Variants in SMC1B observed in about 807,000 individuals in gnomAD.
The protein encoded by SMC1B is structural maintenance of chromosomes 1B.
SMC1B carries 60 observed loss-of-function variants against 157.9 expected under a neutral mutation model. The observed-to-expected ratio is 0.38, with a 90% CI of 0.31 to 0.47. The LOEUF is 0.47. Ranked by LOEUF, SMC1B falls within the 20% of genes least tolerant of loss-of-function variation. The pLI is 0.99. For missense variants in SMC1B, 1,165 were observed against 1,426.2 expected (o/e 0.82, Z 2.95); for synonymous variants, 445 against 483.0 (o/e 0.92, Z 1.03).
At chr22:45,400,194 G>C (rs1602092991) in intron 5 of SMC1B, among the ~76,000 whole-genome samples, 1 of 152,186 alleles carries the variant, frequency 6.6e-6, no homozygotes, top group Admixed American at 6.5e-5. Flanking sequence ...CCTAGATGTT[G>C]GTTCCTAATA....
intron 4 of SMC1B, among the ~76,000 whole-genome samples, chr22:45,403,325 A>G (rs961099005): frequency 2.0e-5 from 3 of 152,264 alleles, no homozygotes; most frequent in African/African-American, 7.2e-5. Context: ...ACAGAGAAAC[A>G]TCACTAATAA....
chr22:45,391,064 C>CT (rs136600), intron 9 of SMC1B, among the ~76,000 whole-genome samples: 302 of 142,690 alleles, frequency 2.1e-3, no homozygotes, highest in African/African-American at 4.9e-3. Context: ...TATTTGCTAC[C>CT]TTTTTTTTTT....
At chr22:45,351,729 C>T (rs1024714534) in intron 22 of SMC1B, among the ~76,000 whole-genome samples, 4 of 152,156 alleles carry the variant, frequency 2.6e-5, no homozygotes, top group Non-Finnish European at 5.9e-5. Flanking sequence ...TTTCTATTTT[C>T]TGTAGACACG....
At chr22:45,400,739 T>G (rs2087182725) in intron 5 of SMC1B, among the ~76,000 whole-genome samples, 1 of 152,070 alleles carries the variant, frequency 6.6e-6, no homozygotes, top group South Asian at 2.1e-4. Context: ...GTGATCAAGG[T>G]CAACATCAAC....
chr22:45,357,809 C>T (rs1225836927), intron 19 of SMC1B, among the ~76,000 whole-genome samples: 1 of 152,166 alleles, frequency 6.6e-6, no homozygotes, highest in South Asian at 2.1e-4. Context: ...AAAACCTTTG[C>T]AATTTCCTGA....
chr22:45,378,200 G>T (rs6007005), intron 12 of SMC1B, among the ~76,000 whole-genome samples: 71,506 of 151,878 alleles, frequency 0.47, 19,155 homozygotes, highest in African/African-American at 0.74. Context: ...CTATTCATCA[G>T]TTTTGAAATA....
intron 4 of SMC1B, 121 bp from the exon 5 acceptor site, chr22:45,402,692 T>C: frequency 1.3e-6 from 1 of 759,202 alleles, no homozygotes; most frequent in Non-Finnish European, 2.2e-6. Context: ...GACATAATGT[T>C]CTTGCCAAAA....
In SMC1B at chr22:45,356,247, A is replaced by C. The variant is rs1416352812; in HGVS notation, c.2962-1132T>G. Among the ~76,000 whole-genome samples, 3 of 152,324 alleles carry C rather than the reference A, an allele frequency of 2.0e-5. No individual in the cohort carries two copies. In the South Asian group the frequency reaches 6.2e-4, roughly 32 times the overall value. ...ACCACATGTACTTAGACTTAGAGGC[A>C]GGGCCTGCTTGGTCTAAGGTAAAGT... On this transcript the variant is annotated intron_variant, in intron 19 of 24. Coordinates refer to ENST00000357450, the MANE Select transcript of SMC1B (RefSeq NM_148674.5).
At chr22:45,350,960 C>T (rs189696460) in intron 22 of SMC1B, among the ~76,000 whole-genome samples, 3 of 152,286 alleles carry the variant, frequency 2.0e-5, no homozygotes, top group African/African-American at 7.2e-5. Context: ...ACTCTGGCCT[C>T]GGGGCCTTTT....
intron 12 of SMC1B, among the ~76,000 whole-genome samples, chr22:45,378,507 C>G (rs2086904479): frequency 6.6e-6 from 1 of 152,104 alleles, no homozygotes; most frequent in Non-Finnish European, 1.5e-5. Context: ...CCTCTTAATG[C>G]TACGAAATAG....
intron 11 of SMC1B, among the ~76,000 whole-genome samples, chr22:45,385,671 T>C (rs1006139898): frequency 6.6e-6 from 1 of 152,110 alleles, no homozygotes; most frequent in Non-Finnish European, 1.5e-5. Context: ...AATTTGACTA[T>C]ACAAATCTTC....
At chr22:45,383,669 G>T in intron 11 of SMC1B, 56 bp from the exon 12 acceptor site, 5 of 1,431,636 alleles carry the variant, frequency 3.5e-6, no homozygotes, top group Non-Finnish European at 3.8e-6. Flanking sequence ...TACAAATAAA[G>T]ACACAATGTG....
intron 16 of SMC1B, among the ~76,000 whole-genome samples, 158 bp from the exon 17 acceptor site, chr22:45,362,142 C>T (rs2086728054): frequency 6.6e-6 from 1 of 152,208 alleles, no homozygotes; most frequent in Non-Finnish European, 1.5e-5. Flanking sequence ...TCACGTTCTA[C>T]ACTTTTTAGA....
intron 15 of SMC1B, among the ~76,000 whole-genome samples, chr22:45,369,148 G>A (rs1195652947): frequency 6.6e-6 from 1 of 151,728 alleles, no homozygotes; most frequent in Non-Finnish European, 1.5e-5. Flanking sequence ...CCCAGGCTAA[G>A]TGCAGTGGCA....
At chr22:45,389,139 G>C (rs757964604) in intron 10 of SMC1B, among the ~76,000 whole-genome samples, 4 of 152,128 alleles carry the variant, frequency 2.6e-5, no homozygotes, top group Non-Finnish European at 5.9e-5. Flanking sequence ...CAGACTGCCT[G>C]CAATTCAGGG....
At chr22:45,358,435 T>C (rs919768579) in intron 19 of SMC1B, among the ~76,000 whole-genome samples, 4 of 152,160 alleles carry the variant, frequency 2.6e-5, no homozygotes, top group African/African-American at 7.2e-5. Context: ...TAACTCCAGG[T>C]AGACAGTGTC....
At chr22:45,374,992 AT>A (rs1228809729) in intron 12 of SMC1B, among the ~76,000 whole-genome samples, 1 of 152,140 alleles carries the variant, frequency 6.6e-6, no homozygotes, top group African/African-American at 2.4e-5. Context: ...TCTCCAAAAT[AT>A]TTTTAAAAAG....
intron 24 of SMC1B, 27 bp from the exon 25 acceptor site, chr22:45,344,684 G>C: frequency 6.5e-7 from 1 of 1,526,918 alleles, no homozygotes; most frequent in Non-Finnish European, 9.1e-7. Context: ...ACAGTTAAAA[G>C]TTCCCCTAAT....
chr22:45,396,627 TC>T, intron 6 of SMC1B, 141 bp from the exon 7 acceptor site: 1 of 494,532 alleles, frequency 2.0e-6, no homozygotes, highest in Non-Finnish European at 3.2e-6. Context: ...TCGACCACCT[TC>T]CCCCGGTAAA....
Sources: allele counts gnomAD v4.1 joint callset (sites outside exome capture counted in the v4.1 genomes callset), GRCh38; gene constraint gnomAD v4.1.1; transcripts MANE v1.5; gene names NCBI Gene and HGNC (gene_info 2026-07-23, HGNC 2026-07-21).